PKN2: variants seen among roughly 807,000 people sequenced by gnomAD.
PKN2 encodes protein kinase N2.
A neutral mutation model predicts 119.1 loss-of-function variants in PKN2; 38 were observed. The ratio of observed to expected loss-of-function variants is 0.32; its 90% CI spans 0.25 to 0.42. The LOEUF (loss-of-function observed/expected upper bound fraction) is 0.42. Ranked by LOEUF, PKN2 falls within the 10% of genes least tolerant of loss-of-function variation. The probability of loss-of-function intolerance (pLI) is 1.00; values close to 1 mark genes in which losing one functional copy is unlikely to be tolerated. For synonymous variants in PKN2, 390 were observed against 384.9 expected (o/e 1.01, Z -0.15); for missense variants, 850 against 1,165.1 (o/e 0.73, Z 3.94).
chr1:88,781,655 T>C (rs1670350713), intron 6 of PKN2, among the ~76,000 whole-genome samples: 1 of 152,148 alleles, frequency 6.6e-6, no homozygotes, highest in African/African-American at 2.4e-5. Flanking sequence ...GAACTCCCTC[T>C]AGATTTTTTT....
chr1:88,829,219 C>T, intron 19 of PKN2: 1 of 726,074 alleles, frequency 1.4e-6, no homozygotes, highest in East Asian at 2.5e-5. Flanking sequence ...ACATTAACAT[C>T]AGCACGATAA....
chr1:88,709,687 T>C (rs940430846), intron 1 of PKN2, among the ~76,000 whole-genome samples: 1 of 152,216 alleles, frequency 6.6e-6, no homozygotes, highest in Admixed American at 6.5e-5. Context: ...CTTGGCTAGA[T>C]GTAAACATAT....
At chr1:88,751,988 T>TGA (rs1669019469) in intron 2 of PKN2, among the ~76,000 whole-genome samples, 1 of 152,160 alleles carries the variant, frequency 6.6e-6, no homozygotes, top group African/African-American at 2.4e-5. Context: ...TCTTCAGTGT[T>TGA]CTGGACTTGG....
chr1:88,706,968 C>T (rs748553503), intron 1 of PKN2, among the ~76,000 whole-genome samples: 1 of 151,972 alleles, frequency 6.6e-6, no homozygotes, highest in Non-Finnish European at 1.5e-5. Flanking sequence ...TATGTTTGGT[C>T]AGATGTTTTG....
chr1:88,692,130 C>A (rs944274288), intron 1 of PKN2, among the ~76,000 whole-genome samples: 2 of 150,310 alleles, frequency 1.3e-5, no homozygotes, highest in Non-Finnish European at 3.0e-5. Context: ...TGATTTTTCA[C>A]CTGTTATAAA....
At chr1:88,705,516 A>T (rs1406949492) in intron 1 of PKN2, among the ~76,000 whole-genome samples, 2 of 146,344 alleles carry the variant, frequency 1.4e-5, no homozygotes, top group East Asian at 2.0e-4. Flanking sequence ...ACACAGTGAA[A>T]CCCCGTCTCT....
chr1:88,732,194 A>C (rs1285263126), intron 1 of PKN2, among the ~76,000 whole-genome samples: 2 of 152,324 alleles, frequency 1.3e-5, no homozygotes, highest in Non-Finnish European at 2.9e-5. Flanking sequence ...ATTGAAATAA[A>C]GTTAATATTA....
chr1:88,795,422 T>C (rs1671021865), intron 8 of PKN2, among the ~76,000 whole-genome samples: 1 of 152,208 alleles, frequency 6.6e-6, no homozygotes, highest in Non-Finnish European at 1.5e-5. Flanking sequence ...TCGTCCTAGC[T>C]CTATTGATAG....
At chr1:88,771,017 ACAAT>A (rs1326658946) in intron 4 of PKN2, among the ~76,000 whole-genome samples, 4 of 151,668 alleles carry the variant, frequency 2.6e-5, no homozygotes, top group African/African-American at 9.7e-5. Context: ...TCAAGTACTT[ACAAT>A]CAGTCTTCAT....
chr1:88,719,018 A>G (rs1197208513), intron 1 of PKN2, among the ~76,000 whole-genome samples: 1 of 152,172 alleles, frequency 6.6e-6, no homozygotes, highest in Non-Finnish European at 1.5e-5. Flanking sequence ...TAAATGTGAT[A>G]TTTATCATTT....
At chr1:88,782,375 C>T (rs1670380268) in intron 6 of PKN2, among the ~76,000 whole-genome samples, 1 of 151,756 alleles carries the variant, frequency 6.6e-6, no homozygotes, top group Admixed American at 6.6e-5. Flanking sequence ...GTGGAGAATT[C>T]ATGGCCTTTT....
At chr1:88,782,729 G>A (rs745572894) in intron 6 of PKN2, among the ~76,000 whole-genome samples, 8 of 151,900 alleles carry the variant, frequency 5.3e-5, no homozygotes, top group Non-Finnish European at 7.4e-5. Context: ...TAGATTGACT[G>A]TTTTGATGTC....
At chr1:88,806,691 C>T (rs564984121) in intron 12 of PKN2, among the ~76,000 whole-genome samples, 34 of 152,058 alleles carry the variant, frequency 2.2e-4, no homozygotes, top group Non-Finnish European at 3.5e-4. Context: ...GATTAACATA[C>T]ATAATAATGT....
At chr1:88,776,196 TCCCTCC>T (rs1202438757) in intron 6 of PKN2, among the ~76,000 whole-genome samples, 5 of 118,242 alleles carry the variant, frequency 4.2e-5, no homozygotes, top group South Asian at 5.4e-4. Flanking sequence ...TCTCTCTCCC[TCCCTCC>T]CCCTCCCCCT....
At chr1:88,824,442 A>C (rs1210212753) in intron 18 of PKN2, 56 bp downstream of exon 18, 3 of 988,536 alleles carry the variant, frequency 3.0e-6, no homozygotes, top group South Asian at 2.7e-5. Flanking sequence ...TTCTTTGTGC[A>C]TCAGTAGTTT....
At chr1:88,782,721 G>A (rs1670396073) in intron 6 of PKN2, among the ~76,000 whole-genome samples, 1 of 151,976 alleles carries the variant, frequency 6.6e-6, no homozygotes, top group African/African-American at 2.4e-5. Flanking sequence ...ATTTTCAGTA[G>A]ATTGACTGTT....
chr1:88,748,244 C>A (rs998477819), intron 2 of PKN2, among the ~76,000 whole-genome samples: 3 of 152,202 alleles, frequency 2.0e-5, no homozygotes, highest in Non-Finnish European at 4.4e-5. Flanking sequence ...GTTCTTTCTT[C>A]GTAGTCACAC....
chr1:88,698,031 A>G (rs1666612316), intron 1 of PKN2, among the ~76,000 whole-genome samples: 1 of 152,120 alleles, frequency 6.6e-6, no homozygotes, highest in East Asian at 1.9e-4. Context: ...TTCATCATTT[A>G]CCCCTTTAGC....
intron 6 of PKN2, among the ~76,000 whole-genome samples, chr1:88,776,208 C>T (rs1472417354): frequency 1.5e-5 from 2 of 132,568 alleles, no homozygotes; most frequent in African/African-American, 2.9e-5. Context: ...CCTCCCCCTC[C>T]CCCTACCCCC....
Sources: allele counts gnomAD v4.1 joint callset (sites outside exome capture counted in the v4.1 genomes callset), GRCh38; gene constraint gnomAD v4.1.1; transcripts MANE v1.5; gene names NCBI Gene and HGNC (gene_info 2026-07-23, HGNC 2026-07-21).